The following DPP10 variants were observed in gnomAD, a reference collection of about 807,000 sequenced individuals.
The protein encoded by DPP10 is inactive dipeptidyl peptidase 10.
In DPP10, 33 loss-of-function variants were observed where a neutral mutation model predicts 120.9. The ratio of observed to expected loss-of-function variants is 0.27; its 90% CI spans 0.21 to 0.37. The LOEUF (loss-of-function observed/expected upper bound fraction) is 0.37. Ranked by LOEUF, DPP10 falls within the 10% of genes least tolerant of loss-of-function variation. The pLI, the probability that DPP10 is intolerant of heterozygous loss-of-function variation, is 1.00. For synonymous variants in DPP10, 337 were observed against 326.1 expected (o/e 1.03, Z -0.36); for missense variants, 816 against 942.8 (o/e 0.87, Z 1.76).
intron 5 of DPP10, among the ~76,000 whole-genome samples, chr2:115,643,131 TAAAA>T (rs548760124): frequency 6.9e-6 from 1 of 144,842 alleles, no homozygotes; most frequent in Non-Finnish European, 1.5e-5. Flanking sequence ...ACTCTAGAAA[TAAAA>T]AAAAAAATGC....
At chr2:114,710,039 A>T (rs1263460582) in intron 1 of DPP10, among the ~76,000 whole-genome samples, 1 of 152,216 alleles carries the variant, frequency 6.6e-6, no homozygotes, top group Non-Finnish European at 1.5e-5. Flanking sequence ...CCAGTAATTC[A>T]TTCTCTCTTC....
intron 1 of DPP10, among the ~76,000 whole-genome samples, chr2:114,875,838 TC>T (rs1312018826): frequency 1.3e-5 from 2 of 152,160 alleles, no homozygotes; most frequent in African/African-American, 4.8e-5. Context: ...ATCAATTATT[TC>T]CAAATATATA....
intron 1 of DPP10, among the ~76,000 whole-genome samples, chr2:114,858,397 A>G (rs752961708): frequency 2.6e-5 from 4 of 152,214 alleles, no homozygotes; most frequent in Admixed American, 6.5e-5. Context: ...CTCTGTAACA[A>G]TTTAATGAGA....
intron 1 of DPP10, among the ~76,000 whole-genome samples, chr2:114,582,025 T>C (rs1368505071): frequency 6.6e-6 from 1 of 152,232 alleles, no homozygotes; most frequent in Non-Finnish European, 1.5e-5. Context: ...ATTCTATGGG[T>C]TTGGATAAAT....
rs1682854275 is a variant in DPP10, at chr2:115,782,269, G to A, written c.1484-83G>A. ...AACCACGAAGTGCTTCCATTTGGGG[G>A]GAAAAAACTATTATGTAAACTTTCT... On this transcript the variant is annotated intron_variant, in intron 16 of 25. Transcript: ENST00000410059. The A allele has an allele frequency of 6.6e-6, 8 of 1,220,206 alleles. No individual in the cohort carries two copies. The South Asian group carries it at 8.1e-5, about 12-fold the overall frequency. The allele number at this position is 1,220,206 out of a possible 1,614,324, so 75.6% of individuals were successfully genotyped here.
chr2:114,796,478 A>G (rs1228437393), intron 1 of DPP10, among the ~76,000 whole-genome samples: 1 of 151,820 alleles, frequency 6.6e-6, no homozygotes, highest in Non-Finnish European at 1.5e-5. Context: ...TATATAATAT[A>G]TATATAACAT....
At chr2:115,599,134 G>A (rs978018874) in intron 5 of DPP10, among the ~76,000 whole-genome samples, 1 of 151,912 alleles carries the variant, frequency 6.6e-6, no homozygotes, top group South Asian at 2.1e-4. Flanking sequence ...TGAACATTTT[G>A]AGTATGATTA....
intron 1 of DPP10, among the ~76,000 whole-genome samples, chr2:114,648,577 C>T (rs1696317000): frequency 6.6e-6 from 1 of 152,144 alleles, no homozygotes; most frequent in African/African-American, 2.4e-5. Context: ...ATGGGCAGGA[C>T]AGACATATTT....
intron 3 of DPP10, among the ~76,000 whole-genome samples, chr2:115,402,853 A>AT (rs1431479711): frequency 0.1 from 6,779 of 64,610 alleles, 296 homozygotes; most frequent in Non-Finnish European, 0.12. Context: ...AAAAAAAAAA[A>AT]AATATATATA....
intron 3 of DPP10, among the ~76,000 whole-genome samples, chr2:115,479,685 C>T (rs941218330): frequency 1.3e-5 from 2 of 152,002 alleles, no homozygotes; most frequent in Non-Finnish European, 2.9e-5. Context: ...AATATGGTCT[C>T]CCATAAGACC....
rs139133340 is a variant in DPP10, at chr2:115,727,777, G to T, written c.577-39G>T. 1,498 of 1,559,518 alleles carry T rather than the reference G, an allele frequency of 9.6e-4. 1 individual carries two copies. The highest frequency in any genetic ancestry group is 8.4e-4 in the Non-Finnish European group (973 of 1,157,562). On this transcript the variant is annotated intron_variant, in intron 7 of 25. Coordinates refer to ENST00000410059, the MANE Select transcript of DPP10 (RefSeq NM_020868.6). ...TTAAAGTTTCAAAAGGCATCCTAAC[G>T]TGTTGGATTTTTTGTTTGTTTCACA...
chr2:115,405,723 C>T (rs565437823), intron 3 of DPP10, among the ~76,000 whole-genome samples: 17 of 152,306 alleles, frequency 1.1e-4, no homozygotes, highest in African/African-American at 3.4e-4. Context: ...CCAAGGCTTA[C>T]GACTTTTGCC....
intron 1 of DPP10, among the ~76,000 whole-genome samples, chr2:114,483,469 A>G (rs1459871170): frequency 2.6e-5 from 4 of 151,960 alleles, no homozygotes; most frequent in African/African-American, 9.7e-5. Flanking sequence ...TTTTTAATGT[A>G]AGAGAACAAG....
intron 1 of DPP10, among the ~76,000 whole-genome samples, chr2:114,701,602 A>G (rs1449725007): frequency 1.3e-5 from 2 of 152,266 alleles, no homozygotes; most frequent in East Asian, 3.9e-4. Context: ...TTTGCCTAAA[A>G]AGTATAATCA....
At chr2:115,662,011 G>A (rs936862226) in intron 5 of DPP10, among the ~76,000 whole-genome samples, 1 of 152,048 alleles carries the variant, frequency 6.6e-6, no homozygotes, top group Non-Finnish European at 1.5e-5. Flanking sequence ...CTGACTGAGA[G>A]CTTCTCATTT....
intron 1 of DPP10, among the ~76,000 whole-genome samples, chr2:115,183,114 T>G (rs1188157392): frequency 6.6e-6 from 1 of 152,176 alleles, no homozygotes; most frequent in African/African-American, 2.4e-5. Flanking sequence ...CTTGGAATAA[T>G]AAGCCTTGTA....
chr2:114,899,774 G>T (rs1693387869), intron 1 of DPP10, among the ~76,000 whole-genome samples: 1 of 151,988 alleles, frequency 6.6e-6, no homozygotes, highest in Non-Finnish European at 1.5e-5. Context: ...TGGCTAACAT[G>T]GTGAAACCCC....
chr2:114,720,302 T>C (rs1233360371), intron 1 of DPP10, among the ~76,000 whole-genome samples: 1 of 152,176 alleles, frequency 6.6e-6, no homozygotes, highest in Non-Finnish European at 1.5e-5. Flanking sequence ...TAATATATTT[T>C]TGTCTTTTTA....
At chr2:115,080,936 C>T (rs1056686500) in intron 1 of DPP10, among the ~76,000 whole-genome samples, 1 of 152,112 alleles carries the variant, frequency 6.6e-6, no homozygotes. Context: ...GAGATTATTC[C>T]ACTATTGACT....
Sources: allele counts gnomAD v4.1 joint callset (sites outside exome capture counted in the v4.1 genomes callset), GRCh38; gene constraint gnomAD v4.1.1; transcripts MANE v1.5; gene names NCBI Gene and HGNC (gene_info 2026-07-23, HGNC 2026-07-21).